Variants in CLCN5 observed in about 807,000 individuals in gnomAD.
CLCN5 encodes H(+)/Cl(-) exchange transporter 5.
Under a neutral mutation model 54.0 loss-of-function variants are expected in CLCN5, and 17 were observed. That is an observed-to-expected ratio of 0.31 (90% confidence interval 0.22 to 0.47). CLCN5 has a LOEUF of 0.47. Among genes scored for constraint, CLCN5 ranks in the 20% least tolerant of loss-of-function variants. CLCN5 has a pLI of 1.00. For missense variants in CLCN5, 448 were observed against 646.7 expected, an observed-to-expected ratio of 0.69 and a Z score of 3.33; for synonymous variants, 222 against 233.0, an observed-to-expected ratio of 0.95 and a Z score of 0.43.
At chrX:50,009,825 G>A (rs1930403694) in intron 3 of CLCN5, 1 of 382,503 alleles carries the variant, frequency 2.6e-6, no homozygotes, top group African/African-American at 2.6e-5. Context: ...GTGGAGAACA[G>A]AAGATCTGTA....
intron 4 of CLCN5, among the ~76,000 whole-genome samples, chrX:50,045,768 T>A (rs1932371424): frequency 8.9e-6 from 1 of 112,164 alleles, no homozygotes; most frequent in Non-Finnish European, 1.9e-5. Context: ...AACACGAAAA[T>A]CAGCCCACTT....
intron 3 of CLCN5, chrX:50,008,975 G>A (rs782748998): frequency 7.8e-6 from 3 of 385,748 alleles, no homozygotes; most frequent in Non-Finnish European, 1.6e-5. Context: ...TTGAATCCTT[G>A]GAACCTAGGT....
intron 3 of CLCN5, among the ~76,000 whole-genome samples, chrX:50,027,746 T>C (rs1480440519): frequency 4.5e-5 from 5 of 110,194 alleles, no homozygotes; most frequent in African/African-American, 1.7e-4. Flanking sequence ...TTTTGTCCTT[T>C]AGTATACCTT....
At chrX:49,983,267 A>G (rs1315023524) in intron 3 of CLCN5, among the ~76,000 whole-genome samples, 1 of 112,302 alleles carries the variant, frequency 8.9e-6, no homozygotes, top group African/African-American at 3.2e-5. Context: ...TACAGTTGGT[A>G]TATGCTGTAG....
intron 3 of CLCN5, chrX:50,003,488 G>C (rs782394820): frequency 7.8e-6 from 3 of 382,869 alleles, no homozygotes; most frequent in Non-Finnish European, 1.6e-5. Flanking sequence ...CGTGCCAAGA[G>C]AGCAAGCCCT....
At chrX:50,072,362 T>A in intron 5 of CLCN5, 127 bp from the exon 6 acceptor site, 1 of 535,247 alleles carries the variant, frequency 1.9e-6, no homozygotes, top group Non-Finnish European at 3.3e-6. Context: ...CTAAAGATTA[T>A]GTGAAAAGTA....
intron 5 of CLCN5, among the ~76,000 whole-genome samples, chrX:50,071,184 C>T (rs1557191490): frequency 9.0e-6 from 1 of 110,806 alleles, no homozygotes; most frequent in Non-Finnish European, 1.9e-5. Flanking sequence ...TCACGACCAC[C>T]TGAACCCAGG....
At chrX:49,995,317 T>C (rs1165806388) in intron 3 of CLCN5, among the ~76,000 whole-genome samples, 1 of 111,992 alleles carries the variant, frequency 8.9e-6, no homozygotes, top group Non-Finnish European at 1.9e-5. Context: ...TAAGACATTT[T>C]TGGGCCCGTG....
intron 3 of CLCN5, among the ~76,000 whole-genome samples, chrX:50,005,076 T>C (rs1194861930): frequency 1.8e-5 from 2 of 111,956 alleles, no homozygotes; most frequent in African/African-American, 6.5e-5. Context: ...TTCCCTTCCA[T>C]CTATATTTTT....
Position 50,081,682 on chromosome X carries a change from G to C in CLCN5, c.768G>C (p.Leu256Phe). The change falls in exon 9 of 15, where the codon TTG becomes TTC. Residue 256 changes from leucine (L) to phenylalanine (F), a missense_variant. Physicochemically the swap from Leu to Phe is conservative, Grantham distance 22 (BLOSUM62 0). Around this residue, in one of 5 missense-constraint regions of CLCN5, gnomAD observed 297 missense variants for 470.4 expected, o/e 0.63. Coordinates refer to ENST00000376091, the MANE Select transcript of CLCN5 (RefSeq NM_001127898.4). Reference sequence around the variant, plus strand: ...GTGGTTTCATTATTAGGGGCTATTTGGGTAAGTGGACTCTGGTTATCAAAA... The same window carrying C: ...GTGGTTTCATTATTAGGGGCTATTTCGGTAAGTGGACTCTGGTTATCAAAA... Reference protein sequence around the residue: ...ILSGFIIRGYLGKWTLVIKTI... With the variant: ...ILSGFIIRGYFGKWTLVIKTI... 8.3e-7 allele frequency: 1 copy of C among 1,210,667 alleles called. No homozygotes were observed. Among genetic ancestry groups the C allele is most frequent in the Non-Finnish European group, 1.1e-6 (1 of 894,616 alleles).
rs1290200635 is a variant in CLCN5, at chrX:50,094,750, G to A, written c.*2531G>A. The A allele has an allele frequency of 8.9e-6, 1 of 112,501 alleles. No homozygotes were observed. Among genetic ancestry groups the A allele is most frequent in the Admixed American group, 9.5e-5 (1 of 10,573 alleles). 9.3% of individuals were successfully genotyped at this position (112,501 alleles called of 1,213,427 possible). On this transcript the variant is annotated 3_prime_UTR_variant, in exon 15 of 15. Coordinates refer to ENST00000376091, the MANE Select transcript of CLCN5 (RefSeq NM_001127898.4). Reference sequence around the variant, plus strand: ...TGATCAATCTCATTCATTAACCTCAGCTTCTCAGGAATCCTTGTAGCTTGT... The same window carrying A: ...TGATCAATCTCATTCATTAACCTCAACTTCTCAGGAATCCTTGTAGCTTGT...
At chrX:49,993,384 G>T (rs1569538203) in intron 3 of CLCN5, among the ~76,000 whole-genome samples, 1 of 112,141 alleles carries the variant, frequency 8.9e-6, no homozygotes, top group Non-Finnish European at 1.9e-5. Flanking sequence ...TTAGTATCCT[G>T]TGATATGTGT....
chrX:49,938,373 A>C (rs1926119981), intron 3 of CLCN5, among the ~76,000 whole-genome samples: 1 of 111,802 alleles, frequency 8.9e-6, no homozygotes, highest in African/African-American at 3.2e-5. Context: ...ACATCACGCT[A>C]CCTGACTTCA....
intron 4 of CLCN5, among the ~76,000 whole-genome samples, chrX:50,062,111 A>G (rs1557190042): frequency 1.9e-5 from 2 of 107,878 alleles, no homozygotes; most frequent in East Asian, 2.9e-4. Flanking sequence ...AATGAGCAAA[A>G]TAACGAGCTA....
intron 3 of CLCN5, among the ~76,000 whole-genome samples, chrX:50,004,335 A>G (rs1370886965): frequency 9.0e-6 from 1 of 111,561 alleles, no homozygotes; most frequent in African/African-American, 3.3e-5. Flanking sequence ...TAGTGTGCCA[A>G]TTGTTGATAA....
At chrX:49,938,731 C>A (rs1400197258) in intron 3 of CLCN5, among the ~76,000 whole-genome samples, 236 of 83,248 alleles carry the variant, frequency 2.8e-3, no homozygotes, top group South Asian at 7.3e-3. Flanking sequence ...TAGGCATGGG[C>A]AAGGACTTCA....
chrX:49,934,577 A>G (rs1287821297), intron 3 of CLCN5, among the ~76,000 whole-genome samples: 1 of 111,709 alleles, frequency 9.0e-6, no homozygotes, highest in Non-Finnish European at 1.9e-5. Context: ...ACCCAATACC[A>G]TTCTGGCATT....
intron 9 of CLCN5, among the ~76,000 whole-genome samples, chrX:50,084,159 T>C (rs1186656100): frequency 8.9e-6 from 1 of 112,037 alleles, no homozygotes; most frequent in African/African-American, 3.2e-5. Flanking sequence ...CTTTATGATA[T>C]AGCCTATGGC....
chrX:50,029,223 A>G (rs1557185464), intron 3 of CLCN5, among the ~76,000 whole-genome samples: 1 of 111,073 alleles, frequency 9.0e-6, no homozygotes. Flanking sequence ...ACATATGTAT[A>G]CATGTGTCAT....
Sources: gnomAD v4.1 joint callset for allele counts (sites outside exome capture counted in the v4.1 genomes callset) on GRCh38, gnomAD v4.1.1 for gene constraint, gnomAD v4.1.1 regional missense constraint, MANE v1.5 for transcripts, NCBI Gene and HGNC (gene_info 2026-07-23, HGNC 2026-07-21) for gene names.